The following SPECC1 variants were observed in gnomAD, a reference collection of about 807,000 sequenced individuals.
SPECC1 encodes the protein cytospin-B.
SPECC1 carries 62 observed loss-of-function variants against 104.1 expected under a neutral mutation model. That is an observed-to-expected ratio of 0.60 (90% CI 0.49 to 0.74). The LOEUF is 0.74. Among genes scored for constraint, SPECC1 ranks in the 30% least tolerant of loss-of-function variants. The pLI is 0.00. For missense variants in SPECC1, 1,306 were observed against 1,310.5 expected (o/e 1.00, Z 0.05); for synonymous variants, 513 against 501.6 (o/e 1.02, Z -0.30).
Position 20,205,318 on chromosome 17 carries a change from G to A in SPECC1, c.1269G>A (p.Glu423=). Residue 423 remains glutamate (E), a synonymous_variant, in exon 4 of 15, where the codon GAG becomes GAA. Transcript: ENST00000395527. ...TGGTGGATGAAAAGACGATTTTAGA[G>A]ACATCCTTTCATCAGCATCGAGAGA... is the stretch of plus-strand genomic sequence containing the variant. The part of the protein sequence containing the change: ...EKLVDEKTIL[E]TSFHQHRERA... The A allele has an allele frequency of 6.2e-7, 1 of 1,614,210 alleles. No homozygotes were observed. Among genetic ancestry groups the A allele is most frequent in the African/African-American group, 1.3e-5 (1 of 75,062 alleles).
chr17:20,090,927 C>T (rs1435264705), intron 1 of SPECC1, among the ~76,000 whole-genome samples: 1 of 152,176 alleles, frequency 6.6e-6, no homozygotes, highest in Non-Finnish European at 1.5e-5. Flanking sequence ...ATACCCTATT[C>T]CTTATGGGTC....
chr17:20,035,754 T>C (rs1018810905), intron 1 of SPECC1, among the ~76,000 whole-genome samples: 2 of 152,206 alleles, frequency 1.3e-5, no homozygotes, highest in Admixed American at 1.3e-4. Flanking sequence ...CAATTGATTT[T>C]TGTATGTTCA....
intron 3 of SPECC1, among the ~76,000 whole-genome samples, chr17:20,181,719 T>C (rs546016812): frequency 2.6e-5 from 4 of 152,276 alleles, no homozygotes; most frequent in Middle Eastern, 3.4e-3. Flanking sequence ...AATACCTTTT[T>C]TCTATGCCAT....
chr17:20,212,250 C>T (rs572096268), intron 4 of SPECC1, among the ~76,000 whole-genome samples: 1 of 152,330 alleles, frequency 6.6e-6, no homozygotes, highest in African/African-American at 2.4e-5. Flanking sequence ...AGTGTCTATT[C>T]ACAACAGGGC....
intron 1 of SPECC1, among the ~76,000 whole-genome samples, chr17:20,057,277 T>C (rs969822632): frequency 8.6e-5 from 13 of 152,016 alleles, no homozygotes; most frequent in Non-Finnish European, 1.9e-4. Context: ...CCATCTCTAC[T>C]AAAAATGCAA....
chr17:20,034,885 G>A (rs558501052), intron 1 of SPECC1, among the ~76,000 whole-genome samples: 42 of 152,252 alleles, frequency 2.8e-4, no homozygotes, highest in African/African-American at 8.9e-4. Flanking sequence ...GATTACGAGC[G>A]TGAGCCACCG....
Position 20,309,524 on chromosome 17 carries a change from T to C in SPECC1, c.3117+3442T>C, listed in dbSNP as rs190730663. On this transcript the variant is annotated intron_variant, in intron 14 of 14. Coordinates refer to ENST00000395527, the MANE Select transcript of SPECC1 (RefSeq NM_001243439.2). ...ACCCAGATAGGCACATAGTAGCCGATAGTTTTTCAGCCCTTGCCTCCCTCC... is the reference window on the plus strand; with the variant it reads ...ACCCAGATAGGCACATAGTAGCCGACAGTTTTTCAGCCCTTGCCTCCCTCC... 3.2e-4 allele frequency among the ~76,000 whole-genome samples: 49 copies of C among 152,288 alleles called. 1 individual carries two copies. The highest frequency in any genetic ancestry group is 3.4e-3 in the Middle Eastern group (1 of 294).
At chr17:20,039,525 C>A (rs2045235710) in intron 1 of SPECC1, among the ~76,000 whole-genome samples, 1 of 152,138 alleles carries the variant, frequency 6.6e-6, no homozygotes, top group Admixed American at 6.6e-5. Flanking sequence ...CTTTTAATTT[C>A]AACCAACATA....
intron 12 of SPECC1, among the ~76,000 whole-genome samples, chr17:20,279,304 T>C (rs1032600858): frequency 4.6e-5 from 7 of 151,094 alleles, no homozygotes; most frequent in African/African-American, 1.5e-4. Flanking sequence ...AGGTTACTTT[T>C]CTTTCTTTTT....
At chr17:20,014,049 A>G (rs1031468256) in intron 1 of SPECC1, among the ~76,000 whole-genome samples, 2 of 152,006 alleles carry the variant, frequency 1.3e-5, no homozygotes, top group East Asian at 1.9e-4. Flanking sequence ...ACTAGCAAAC[A>G]GTTTTCAGTA....
At chr17:20,047,371 T>C (rs958171952) in intron 1 of SPECC1, among the ~76,000 whole-genome samples, 1 of 152,218 alleles carries the variant, frequency 6.6e-6, no homozygotes, top group Admixed American at 6.5e-5. Flanking sequence ...GGTCACCCAC[T>C]TCTTTCTCTG....
chr17:20,201,700 G>C (rs950008221), intron 3 of SPECC1, among the ~76,000 whole-genome samples: 1 of 152,096 alleles, frequency 6.6e-6, no homozygotes, highest in Non-Finnish European at 1.5e-5. Context: ...GTGCTTAGTG[G>C]TTTTTAATAC....
intron 1 of SPECC1, 137 bp from the exon 2 acceptor site, chr17:20,096,494 C>G (rs2047648624): frequency 9.7e-7 from 1 of 1,029,390 alleles, no homozygotes; most frequent in South Asian, 1.7e-5. Context: ...TAGGAATATT[C>G]TATTTCCAGC....
chr17:20,041,261 G>A (rs2045314540), intron 1 of SPECC1, among the ~76,000 whole-genome samples: 1 of 152,086 alleles, frequency 6.6e-6, no homozygotes, highest in African/African-American at 2.4e-5. Context: ...TTGAGATGGA[G>A]TTTTGCTCTT....
At chr17:20,165,280 T>C (rs1383234680) in intron 3 of SPECC1, among the ~76,000 whole-genome samples, 2 of 152,138 alleles carry the variant, frequency 1.3e-5, no homozygotes, top group Non-Finnish European at 2.9e-5. Flanking sequence ...ATTGTTAAGC[T>C]TCCATTTATA....
chr17:20,278,359 T>C (rs1478083497), intron 12 of SPECC1, among the ~76,000 whole-genome samples: 1 of 152,080 alleles, frequency 6.6e-6, no homozygotes, highest in Admixed American at 6.6e-5. Flanking sequence ...GAGGCTTAGG[T>C]TGAGGGAGAG....
At chr17:20,248,276 G>A (rs371425320) in intron 9 of SPECC1, among the ~76,000 whole-genome samples, 7 of 152,284 alleles carry the variant, frequency 4.6e-5, no homozygotes, top group African/African-American at 1.7e-4. Flanking sequence ...TTTGACAGAA[G>A]CTAGGCCACT....
At chr17:20,049,117 T>C (rs1009901413) in intron 1 of SPECC1, among the ~76,000 whole-genome samples, 35 of 152,142 alleles carry the variant, frequency 2.3e-4, no homozygotes, top group Non-Finnish European at 1.5e-5. Context: ...TATGCACTTG[T>C]ACATTTGATA....
intron 3 of SPECC1, among the ~76,000 whole-genome samples, chr17:20,119,406 A>G (rs1170614748): frequency 7.2e-5 from 11 of 151,756 alleles, no homozygotes; most frequent in Admixed American, 7.2e-4. Context: ...CTAATGTTGT[A>G]CTTTTAGTTG....
Sources: allele counts gnomAD v4.1 joint callset (sites outside exome capture counted in the v4.1 genomes callset), GRCh38; gene constraint gnomAD v4.1.1; transcripts MANE v1.5; gene names NCBI Gene and HGNC (gene_info 2026-07-23, HGNC 2026-07-21).